The following DEPTOR variants were observed in gnomAD, a reference collection of about 807,000 sequenced individuals.
DEPTOR encodes the protein DEP domain containing MTOR interacting protein.
Under a neutral mutation model 41.6 loss-of-function variants are expected in DEPTOR, and 41 were observed. That is an observed-to-expected ratio of 0.98 (90% confidence interval 0.77 to 1.28). The LOEUF (loss-of-function observed/expected upper bound fraction) is 1.28, where lower values mean the gene tolerates loss of function less well. Among genes scored for constraint, DEPTOR ranks in the 50% most tolerant of loss-of-function variants. The pLI, the probability that DEPTOR is intolerant of heterozygous loss-of-function variation, is 0.00. For missense variants in DEPTOR, 514 were observed against 527.9 expected, an observed-to-expected ratio of 0.97 and a Z score of 0.26; for synonymous variants, 195 against 192.3, an observed-to-expected ratio of 1.01 and a Z score of -0.12.
chr8:119,933,028 A>G (rs11995536), intron 3 of DEPTOR, among the ~76,000 whole-genome samples: 46,698 of 151,954 alleles, frequency 0.31, 7,582 homozygotes, highest in Middle Eastern at 0.41. Flanking sequence ...TTAAAACCAC[A>G]GTAAGAACTG....
intron 4 of DEPTOR, among the ~76,000 whole-genome samples, chr8:119,983,990 A>G (rs1294713169): frequency 6.6e-6 from 1 of 152,166 alleles, no homozygotes; most frequent in African/African-American, 2.4e-5. Flanking sequence ...CTTCCTGGGA[A>G]TACTAAGAAA....
At chr8:120,041,348 C>T (rs1207528919) in intron 8 of DEPTOR, among the ~76,000 whole-genome samples, 3 of 152,066 alleles carry the variant, frequency 2.0e-5, no homozygotes, top group Non-Finnish European at 4.4e-5. Context: ...AGAGGATTAT[C>T]GTACATCTGC....
At chr8:119,995,422 C>CTAAAT in intron 4 of DEPTOR, among the ~76,000 whole-genome samples, 1 of 151,968 alleles carries the variant, frequency 6.6e-6, no homozygotes, top group East Asian at 1.9e-4. Context: ...CCTGTCTCCA[C>CTAAAT]TAAAAATACA....
At chr8:120,013,433 A>G (rs970560730) in intron 8 of DEPTOR, among the ~76,000 whole-genome samples, 9 of 152,224 alleles carry the variant, frequency 5.9e-5, no homozygotes, top group Non-Finnish European at 1.0e-4. Context: ...TCACTTACAA[A>G]GAAGCCATTT....
intron 4 of DEPTOR, among the ~76,000 whole-genome samples, chr8:119,982,198 G>A (rs760875679): frequency 5.9e-4 from 90 of 151,926 alleles, no homozygotes; most frequent in South Asian, 6.2e-4. Context: ...ATACAGTATC[G>A]TAATTTCTCT....
intron 3 of DEPTOR, among the ~76,000 whole-genome samples, chr8:119,948,298 G>A (rs1001855715): frequency 3.3e-5 from 5 of 152,070 alleles, no homozygotes; most frequent in African/African-American, 1.2e-4. Context: ...CTGTAATCCC[G>A]CTCCTTGGGA....
intron 1 of DEPTOR, among the ~76,000 whole-genome samples, chr8:119,916,309 G>C (rs1302247621): frequency 7.2e-6 from 1 of 139,494 alleles, no homozygotes; most frequent in African/African-American, 2.7e-5. Context: ...TTTTAGAAAT[G>C]GGGGTTTCAC....
At chr8:120,031,185 A>G (rs1163524999) in intron 8 of DEPTOR, among the ~76,000 whole-genome samples, 1 of 151,906 alleles carries the variant, frequency 6.6e-6, no homozygotes, top group East Asian at 1.9e-4. Flanking sequence ...TATTTTTAAA[A>G]GCCAGGCACA....
In DEPTOR at chr8:120,049,725, T is replaced by G; in HGVS notation, c.*21T>G. 1 of 1,612,594 alleles carries G rather than the reference T, an allele frequency of 6.2e-7. No individual in the cohort carries two copies. The highest frequency in any genetic ancestry group is 8.5e-7 in the Non-Finnish European group (1 of 1,179,212). ...GCTGAGCTCCTGGGCCTCCCAGCCC[T>G]CCAGTGGCCTGTGGGTGAGGGAAGC... is the stretch of plus-strand genomic sequence containing the variant. On this transcript the variant is annotated 3_prime_UTR_variant, in exon 9 of 9. Coordinates refer to ENST00000286234, the MANE Select transcript of DEPTOR (RefSeq NM_022783.4).
At chr8:119,914,994 G>T (rs2129798994) in intron 1 of DEPTOR, among the ~76,000 whole-genome samples, 1 of 151,950 alleles carries the variant, frequency 6.6e-6, no homozygotes, top group Non-Finnish European at 1.5e-5. Context: ...TTGAGATGGA[G>T]TCTCGCCCTG....
At chr8:120,005,736 G>A (rs1197442950) in intron 6 of DEPTOR, among the ~76,000 whole-genome samples, 2 of 152,166 alleles carry the variant, frequency 1.3e-5, no homozygotes, top group Non-Finnish European at 2.9e-5. Context: ...CCAGTTCTTA[G>A]TGAGCACAGG....
intron 3 of DEPTOR, among the ~76,000 whole-genome samples, chr8:119,938,886 TCTC>T (rs1828163039): frequency 7.0e-6 from 1 of 143,346 alleles, no homozygotes; most frequent in South Asian, 2.5e-4. Flanking sequence ...TTCCCCTCTC[TCTC>T]TCTTTCTCTT....
chr8:120,046,893 G>A (rs1427884125), intron 8 of DEPTOR, among the ~76,000 whole-genome samples: 1 of 152,194 alleles, frequency 6.6e-6, no homozygotes, highest in Non-Finnish European at 1.5e-5. Context: ...GAAGCCGTAA[G>A]GACTGTGGCA....
intron 1 of DEPTOR, among the ~76,000 whole-genome samples, chr8:119,927,866 C>A (rs966676931): frequency 4.6e-5 from 7 of 151,888 alleles, no homozygotes; most frequent in African/African-American, 1.7e-4. Flanking sequence ...CTCAGCATCC[C>A]AAAGTGCTGG....
chr8:119,991,086 CTTTTT>C lies in DEPTOR; in HGVS notation c.605-10438_605-10434del, dbSNP rs1563584663. Among the ~76,000 whole-genome samples, 53 of 107,556 alleles carry C rather than the reference CTTTTT, an allele frequency of 4.9e-4. 1 individual carries two copies. Among genetic ancestry groups the C allele is most frequent in the Non-Finnish European group, 7.2e-4 (37 of 51,436 alleles). The allele number at this position is 107,556 out of a possible 152,430, so 70.6% of individuals were successfully genotyped here. On this transcript the variant is annotated intron_variant, in intron 4 of 8. Transcript: ENST00000286234. ...TCTTTCTTTCTTTCTTTCTTTCTTT[CTTTTT>C]CTTTCTTTCTTTCTTTCTTTCTTTC...
intron 1 of DEPTOR, among the ~76,000 whole-genome samples, chr8:119,886,432 C>T (rs1319357697): frequency 6.6e-6 from 1 of 151,524 alleles, no homozygotes; most frequent in Non-Finnish European, 1.5e-5. Context: ...GCCAAGGGGG[C>T]ATCTCCCCCA....
At chr8:120,024,280 G>A (rs576162281) in intron 8 of DEPTOR, among the ~76,000 whole-genome samples, 1 of 152,204 alleles carries the variant, frequency 6.6e-6, no homozygotes, top group East Asian at 1.9e-4. Context: ...CTCTGGAAGT[G>A]GCACACATGA....
At chr8:119,894,943 A>T (rs13259990) in intron 1 of DEPTOR, among the ~76,000 whole-genome samples, 2 of 152,014 alleles carry the variant, frequency 1.3e-5, no homozygotes, top group Non-Finnish European at 2.9e-5. Flanking sequence ...CATTTGTACC[A>T]CACGAGGCCA....
intron 8 of DEPTOR, among the ~76,000 whole-genome samples, chr8:120,010,116 C>A (rs72673686): frequency 6.6e-6 from 1 of 151,770 alleles, no homozygotes; most frequent in Non-Finnish European, 1.5e-5. Flanking sequence ...GCTACTAGCT[C>A]GTTGACTTTG....
Sources: gnomAD v4.1 joint callset for allele counts (sites outside exome capture counted in the v4.1 genomes callset) on GRCh38, gnomAD v4.1.1 for gene constraint, MANE v1.5 for transcripts, NCBI Gene and HGNC (gene_info 2026-07-23, HGNC 2026-07-21) for gene names.